LAMA3: variants seen among roughly 807,000 people sequenced by gnomAD.
The protein encoded by LAMA3 is laminin subunit alpha-3.
A neutral mutation model predicts 402.0 loss-of-function variants in LAMA3; 281 were observed. The ratio of observed to expected loss-of-function variants is 0.70; its 90% confidence interval spans 0.63 to 0.77. LAMA3 has a LOEUF of 0.77. Among genes scored for constraint, LAMA3 ranks in the 30% least tolerant of loss-of-function variants. LAMA3 has a pLI of 0.00. For missense variants in LAMA3, 3,840 were observed against 4,215.5 expected (o/e 0.91, Z 2.47); for synonymous variants, 1,431 against 1,558.4 (o/e 0.92, Z 1.93).
intron 1 of LAMA3, among the ~76,000 whole-genome samples, chr18:23,705,450 T>TAC (rs35025245): frequency 0.038 from 5,466 of 145,402 alleles, 93 homozygotes; most frequent in South Asian, 0.082. Flanking sequence ...TATCATGACA[T>TAC]ACACACACAC....
intron 23 of LAMA3, among the ~76,000 whole-genome samples, chr18:23,832,913 T>C (rs980591155): frequency 1.6e-4 from 25 of 152,292 alleles, no homozygotes; most frequent in Middle Eastern, 3.4e-3. Context: ...AATATTTACA[T>C]AGTGTTTTTT....
intron 12 of LAMA3, among the ~76,000 whole-genome samples, chr18:23,802,534 T>A (rs1326027623): frequency 6.6e-6 from 1 of 152,226 alleles, no homozygotes; most frequent in African/African-American, 2.4e-5. Context: ...CAGTTCATTT[T>A]CCCCTTGGTA....
intron 2 of LAMA3, among the ~76,000 whole-genome samples, chr18:23,741,125 T>G (rs2061555836): frequency 1.3e-5 from 2 of 151,998 alleles, no homozygotes; most frequent in Admixed American, 1.3e-4. Flanking sequence ...GGCTAATTTT[T>G]TTTTGTATTT....
chr18:23,925,676 C>T (rs547431041), intron 62 of LAMA3, among the ~76,000 whole-genome samples: 1 of 152,128 alleles, frequency 6.6e-6, no homozygotes, highest in African/African-American at 2.4e-5. Context: ...AACTCATGCC[C>T]CAGTGCAATC....
intron 32 of LAMA3, among the ~76,000 whole-genome samples, chr18:23,848,865 C>G (rs1272497836): frequency 1.4e-5 from 2 of 141,008 alleles, no homozygotes; most frequent in African/African-American, 5.4e-5. Flanking sequence ...TTTCTCTTCG[C>G]TTCTGGTGTG....
At chr18:23,913,173 A>G (rs2081494516) in intron 56 of LAMA3, among the ~76,000 whole-genome samples, 2 of 152,078 alleles carry the variant, frequency 1.3e-5, no homozygotes, top group Admixed American at 1.3e-4. Context: ...CTTGGGGAGG[A>G]TGATTGGCAC....
At chr18:23,798,889 T>G (rs1328621175) in intron 12 of LAMA3, among the ~76,000 whole-genome samples, 1 of 152,214 alleles carries the variant, frequency 6.6e-6, no homozygotes, top group Non-Finnish European at 1.5e-5. Flanking sequence ...TACAAGAATC[T>G]ATATAGTGTT....
chr18:23,873,078 A>G (rs2064582114), intron 38 of LAMA3: 2 of 1,614,112 alleles, frequency 1.2e-6, no homozygotes, highest in Middle Eastern at 1.6e-4. Context: ...AGCCTGCAGC[A>G]TGGGATGGCT....
chr18:23,833,756 C>T, intron 23 of LAMA3, 72 bp from the exon 24 acceptor site: 1 of 1,545,676 alleles, frequency 6.5e-7, no homozygotes, highest in African/African-American at 1.4e-5. Flanking sequence ...CTATTTTCAC[C>T]ATTGCTGATG....
At chr18:23,886,322 A>G (rs2065072058) in intron 41 of LAMA3, among the ~76,000 whole-genome samples, 1 of 152,208 alleles carries the variant, frequency 6.6e-6, no homozygotes, top group Non-Finnish European at 1.5e-5. Context: ...TGGATATTGG[A>G]AAGGATCAAT....
rs1304775091 is a variant in LAMA3 at position 23,846,353 on chromosome 18, A to G, written c.3776A>G (p.Tyr1259Cys). 6.2e-7 allele frequency: 1 copy of G among 1,614,086 alleles called. No homozygotes were observed. Among genetic ancestry groups the G allele is most frequent in the South Asian group, 1.1e-5 (1 of 91,068 alleles). Residue 1259 changes from tyrosine to cysteine, a missense_variant, in exon 31 of 75, where the codon TAC (tyrosine) becomes TGC (cysteine). Physicochemically the swap from Tyr to Cys is radical, Grantham distance 194. Transcript: ENST00000313654. ...TCCGCCAGGTCCCTGGTGGCCTTTT[A>G]CCACAAGGGCGCCCTGCCTTGTGAG... is the stretch of plus-strand genomic sequence containing the variant. ...KNSARSLVAF[Y>C]HKGALPCECH...
chr18:23,784,890 G>T (rs1303148190), intron 12 of LAMA3, among the ~76,000 whole-genome samples: 1 of 152,118 alleles, frequency 6.6e-6, no homozygotes, highest in Admixed American at 6.5e-5. Context: ...ATCAGTCCAG[G>T]ATCAAGGCAG....
At chr18:23,891,816 C>G (rs1216750988) in intron 42 of LAMA3, among the ~76,000 whole-genome samples, 1 of 152,148 alleles carries the variant, frequency 6.6e-6, no homozygotes. Flanking sequence ...TCACTGAGTT[C>G]CATTGTCTAA....
At chr18:23,725,386 C>T (rs2061281948) in intron 2 of LAMA3, among the ~76,000 whole-genome samples, 1 of 152,238 alleles carries the variant, frequency 6.6e-6, no homozygotes, top group South Asian at 2.1e-4. Context: ...GTTGGGATTA[C>T]AGGCATGAGC....
chr18:23,698,216 T>C (rs1286497369), intron 1 of LAMA3, among the ~76,000 whole-genome samples: 12 of 144,170 alleles, frequency 8.3e-5, no homozygotes, highest in Admixed American at 2.7e-4. Flanking sequence ...TTTTTTTTTT[T>C]TTTTTTTTGA....
At chr18:23,757,917 G>A (rs2061884264) in intron 6 of LAMA3, among the ~76,000 whole-genome samples, 1 of 152,236 alleles carries the variant, frequency 6.6e-6, no homozygotes, top group Admixed American at 6.5e-5. Flanking sequence ...GATCTTATTA[G>A]CAGCTGGTCC....
At chr18:23,716,189 A>C (rs932213162) in intron 2 of LAMA3, among the ~76,000 whole-genome samples, 1 of 151,486 alleles carries the variant, frequency 6.6e-6, no homozygotes, top group Non-Finnish European at 1.5e-5. Context: ...ACAGGGTCTC[A>C]CTCTATTGCT....
At chr18:23,770,653 C>G (rs925385568) in intron 8 of LAMA3, among the ~76,000 whole-genome samples, 1 of 151,674 alleles carries the variant, frequency 6.6e-6, no homozygotes, top group African/African-American at 2.4e-5. Context: ...CCCAGCTACT[C>G]GGGAGGCTGA....
At chr18:23,946,330 T>C in intron 70 of LAMA3, 46 bp downstream of exon 70, 2 of 1,566,758 alleles carry the variant, frequency 1.3e-6, no homozygotes, top group East Asian at 4.5e-5. Flanking sequence ...ATTCACCTTA[T>C]ATTATAGGCA....
Sources: allele counts gnomAD v4.1 joint callset (sites outside exome capture counted in the v4.1 genomes callset), GRCh38; gene constraint gnomAD v4.1.1; transcripts MANE v1.5; gene names NCBI Gene and HGNC (gene_info 2026-07-23, HGNC 2026-07-21).